The following RGS8 variants were observed in gnomAD, a reference collection of about 807,000 sequenced individuals.
The protein encoded by RGS8 is regulator of G protein signaling 8, also known as regulator of G-protein signaling 8.
In RGS8, 8 loss-of-function variants were observed where a neutral mutation model predicts 21.7. The observed-to-expected ratio is 0.37, with a 90% CI of 0.22 to 0.66. RGS8 has a LOEUF of 0.66. Ranked by LOEUF, RGS8 falls within the 30% of genes least tolerant of loss-of-function variation. The pLI is 0.59. For synonymous variants in RGS8, 80 were observed against 83.6 expected (o/e 0.96, Z 0.24); for missense variants, 157 against 217.9 (o/e 0.72, Z 1.76).
chr1:182,719,506 G>A, the RGS8 span, among the ~76,000 whole-genome samples: 1 of 146,920 alleles, frequency 6.8e-6, no homozygotes, highest in Non-Finnish European at 1.5e-5. Context: ...TCACCCAGTG[G>A]CGCAATCTTG....
At chr1:182,673,096 C>T (rs1190241367), upstream of RGS8, among the ~76,000 whole-genome samples, 1 of 152,094 alleles carries the variant, frequency 6.6e-6, no homozygotes, top group Non-Finnish European at 1.5e-5. Context: ...CTCTAGGTCC[C>T]TAAGGTTGAG....
the RGS8 span, chr1:182,714,405 G>C: frequency 1.3e-5 from 2 of 152,174 alleles, no homozygotes; most frequent in Non-Finnish European, 2.9e-5. Flanking sequence ...TTAAACACAT[G>C]ATGAATATAT....
the RGS8 span, among the ~76,000 whole-genome samples, chr1:182,709,429 T>A: frequency 2.6e-5 from 4 of 152,158 alleles, no homozygotes; most frequent in Non-Finnish European, 4.4e-5. Context: ...CTCAACCTCA[T>A]CAGAGCCAGT....
At chr1:182,745,019 G>C in the RGS8 span, among the ~76,000 whole-genome samples, 26 of 152,144 alleles carry the variant, frequency 1.7e-4, no homozygotes, top group African/African-American at 5.8e-4. Context: ...ATACATATAT[G>C]GTCTTTTTGA....
chr1:182,736,447 G>A, the RGS8 span, among the ~76,000 whole-genome samples: 1 of 152,088 alleles, frequency 6.6e-6, no homozygotes, highest in African/African-American at 2.4e-5. Flanking sequence ...TAGGTTTCTG[G>A]GTCCCACACT....
intron 5 of RGS8, among the ~76,000 whole-genome samples, chr1:182,660,155 T>C (rs982877844): frequency 1.3e-5 from 2 of 152,222 alleles, no homozygotes; most frequent in East Asian, 3.8e-4. Context: ...GGAGAAGTCA[T>C]CATGATTAGC....
At chr1:182,684,917 G>A (rs1664661736), upstream of RGS8, among the ~76,000 whole-genome samples, 2 of 152,200 alleles carry the variant, frequency 1.3e-5, no homozygotes, top group East Asian at 3.8e-4. This position sits in a 1 kb window ranked among gnomAD's most constrained non-coding sequence, Gnocchi z 4.2. Context: ...ATTCCAAGGT[G>A]AAAGTGGTTG....
the RGS8 span, among the ~76,000 whole-genome samples, chr1:182,731,395 C>T: frequency 6.6e-6 from 1 of 152,186 alleles, no homozygotes; most frequent in Non-Finnish European, 1.5e-5. Context: ...TCTCCTTTAC[C>T]TGTTCCCAAG....
the RGS8 span, among the ~76,000 whole-genome samples, chr1:182,708,427 C>T: frequency 6.6e-6 from 1 of 152,202 alleles, no homozygotes; most frequent in Non-Finnish European, 1.5e-5. Context: ...GGTCCCTGTG[C>T]TGGGAAGCAG....
At chr1:182,690,893 G>A in the RGS8 span, among the ~76,000 whole-genome samples, 4 of 152,176 alleles carry the variant, frequency 2.6e-5, no homozygotes, top group South Asian at 2.1e-4. Context: ...AAGTAGACTT[G>A]AAAAGCACTT....
the RGS8 span, among the ~76,000 whole-genome samples, chr1:182,710,228 C>T: frequency 6.6e-6 from 1 of 152,184 alleles, no homozygotes; most frequent in Admixed American, 6.5e-5. Flanking sequence ...CCAAACATCT[C>T]TCCTTATCAA....
chr1:182,642,049 G>A (rs996250582), downstream of RGS8: 3 of 152,250 alleles, frequency 2.0e-5, no homozygotes, highest in Non-Finnish European at 4.4e-5. Context: ...ACCTGGCAGA[G>A]GGAAGGGAGT....
At chr1:182,743,796 C>A in the RGS8 span, among the ~76,000 whole-genome samples, 1 of 152,226 alleles carries the variant, frequency 6.6e-6, no homozygotes, top group Non-Finnish European at 1.5e-5. Flanking sequence ...TATACACACA[C>A]AATGCACACA....
At chr1:182,727,259 C>T in the RGS8 span, among the ~76,000 whole-genome samples, 1 of 152,222 alleles carries the variant, frequency 6.6e-6, no homozygotes, top group African/African-American at 2.4e-5. Flanking sequence ...TGTACCTTAG[C>T]TCTTCATCTG....
chr1:182,645,357 C>T (rs1281984592), downstream of RGS8: 3 of 152,278 alleles, frequency 2.0e-5, no homozygotes, highest in Non-Finnish European at 2.9e-5. Context: ...ACATGCCCCT[C>T]TTTCACTTTC....
chr1:182,652,131 C>T (rs1462644315), intron 5 of RGS8, among the ~76,000 whole-genome samples: 2 of 152,154 alleles, frequency 1.3e-5, no homozygotes, highest in African/African-American at 4.8e-5. Context: ...TCAGAAGAGC[C>T]TGTTGTTGGT....
At chr1:182,683,520 C>A (rs1013457313) in intron 1 of RGS8, among the ~76,000 whole-genome samples, 1 of 151,588 alleles carries the variant, frequency 6.6e-6, no homozygotes, top group African/African-American at 2.4e-5. Flanking sequence ...AAGGTCAGGA[C>A]CTACAAACAC....
At chr1:182,654,194 C>G (rs1045328179) in intron 5 of RGS8, among the ~76,000 whole-genome samples, 1 of 152,102 alleles carries the variant, frequency 6.6e-6, no homozygotes, top group African/African-American at 2.4e-5. Flanking sequence ...CTAGCCAGGT[C>G]CATATGACTC....
At chr1:182,694,207 G>C in the RGS8 span, among the ~76,000 whole-genome samples, 1 of 151,766 alleles carries the variant, frequency 6.6e-6, no homozygotes, top group Non-Finnish European at 1.5e-5. Flanking sequence ...TTTACCTCAG[G>C]ATGGTAAATT....
Sources: allele counts gnomAD v4.1 joint callset (sites outside exome capture counted in the v4.1 genomes callset), GRCh38; gene constraint gnomAD v4.1.1; non-coding constraint Gnocchi (gnomAD v3.1); transcripts MANE v1.5; gene names NCBI Gene and HGNC (gene_info 2026-07-23, HGNC 2026-07-21).